The following KDM4B variants were observed in gnomAD, a reference collection of about 807,000 sequenced individuals.
KDM4B encodes the protein lysine demethylase 4B.
In KDM4B, 32 loss-of-function variants were observed where a neutral mutation model predicts 125.2. The observed-to-expected ratio is 0.26, with a 90% confidence interval of 0.19 to 0.34. The LOEUF is 0.34. Ranked by LOEUF, KDM4B falls within the 10% of genes least tolerant of loss-of-function variation. KDM4B has a pLI of 1.00. For missense variants in KDM4B, 1,190 were observed against 1,577.7 expected (o/e 0.75, Z 4.16); for synonymous variants, 721 against 677.9 (o/e 1.06, Z -0.99).
chr19:5,047,760 G>A lies in KDM4B; in HGVS notation c.626+91G>A, dbSNP rs931707394. The A allele has an allele frequency of 1.5e-5, 21 of 1,362,720 alleles. No individual in the cohort carries two copies. The Middle Eastern group carries it at 7.2e-4, about 47-fold the overall frequency. 84.4% of individuals were successfully genotyped at this position (1,362,720 alleles called of 1,614,324 possible). A position where few individuals can be genotyped will look rare whatever the true frequency, so the allele number is the denominator to read the frequency against. On this transcript the variant is annotated intron_variant, in intron 6 of 22. Transcript: ENST00000159111. ...GGTACACGGCTGGGCGCCGTGGCAG[G>A]GGCCCCACCAGGTGAGGCCGCAAAG...
At chr19:5,083,450 G>T (rs1201353368) in intron 9 of KDM4B, among the ~76,000 whole-genome samples, 2 of 152,344 alleles carry the variant, frequency 1.3e-5, no homozygotes, top group Middle Eastern at 3.4e-3. Context: ...CTAGGAGGCC[G>T]TCTGGGCATC....
chr19:5,002,398 T>TTCCTTTCTCTCTCCTTTCTCTC, intron 1 of KDM4B, among the ~76,000 whole-genome samples: 1 of 151,298 alleles, frequency 6.6e-6, no homozygotes, highest in South Asian at 2.1e-4. Flanking sequence ...CTCCTTTCCT[T>TTCCTTTCTCTCTCCTTTCTCTC]TCCTTTCTCT....
chr19:4,990,183 G>GGGA (rs2034987832), intron 1 of KDM4B, among the ~76,000 whole-genome samples: 1 of 152,276 alleles, frequency 6.6e-6, no homozygotes, highest in African/African-American at 2.4e-5. Flanking sequence ...CCAGCTACTT[G>GGGA]GGAGGCTGAG....
At chr19:5,120,323 AAAT>A (rs566175691) in intron 11 of KDM4B, among the ~76,000 whole-genome samples, 1 of 152,192 alleles carries the variant, frequency 6.6e-6, no homozygotes, top group Non-Finnish European at 1.5e-5. Flanking sequence ...AGTATCACAA[AAAT>A]AATAATAATA....
rs200364933 is a variant in KDM4B, at chr19:5,049,568, A to AC, written c.626+1905dup. On this transcript the variant is annotated intron_variant, in intron 6 of 22. Coordinates refer to ENST00000159111, the MANE Select transcript of KDM4B (RefSeq NM_015015.3). Reference sequence around the variant, plus strand: ...GCTCTAGCTGCAGGGCATGCCCTCAACCCCCCAGAGCTCCCCACTCGCCCC... The same window carrying AC: ...GCTCTAGCTGCAGGGCATGCCCTCAACCCCCCCAGAGCTCCCCACTCGCCCC... Among the ~76,000 whole-genome samples, 1,076 of 150,974 alleles carry AC rather than the reference A, an allele frequency of 7.1e-3. 10 individuals are homozygous for AC. Among genetic ancestry groups the AC allele is most frequent in the African/African-American group, 0.025 (1,027 of 41,030 alleles).
intron 9 of KDM4B, among the ~76,000 whole-genome samples, chr19:5,096,263 T>C (rs1169427059): frequency 6.6e-6 from 1 of 152,008 alleles, no homozygotes; most frequent in Non-Finnish European, 1.5e-5. Flanking sequence ...TTTTGTATTT[T>C]TAGTAGAGGT....
At position 4,971,038 on chromosome 19, in the gene KDM4B, G is replaced by T. The variant is rs1222066112; in HGVS notation, c.-109+1808G>T. Among the ~76,000 whole-genome samples the T allele has an allele frequency of 6.6e-6, 1 of 152,170 alleles. No homozygotes were observed. Among genetic ancestry groups the T allele is most frequent in the Non-Finnish European group, 1.5e-5 (1 of 68,028 alleles). Reference sequence around the variant, plus strand: ...GGGTGTCTGTGTACAGGCTGTTTTGGTGGAAGCGTCTACTGTGTCAGGAGC... The same window carrying T: ...GGGTGTCTGTGTACAGGCTGTTTTGTTGGAAGCGTCTACTGTGTCAGGAGC... On this transcript the variant is annotated intron_variant, in intron 1 of 22. Transcript: ENST00000159111. The surrounding 1 kb of genome is among the most constrained non-coding windows in gnomAD (Gnocchi z 4.1).
At chr19:5,040,470 C>A (rs1317146135) in intron 4 of KDM4B, among the ~76,000 whole-genome samples, 1 of 152,116 alleles carries the variant, frequency 6.6e-6, no homozygotes, top group Non-Finnish European at 1.5e-5. Context: ...GTACACATGG[C>A]ACACGCACGT....
At chr19:5,136,593 G>A (rs1396036659) in intron 15 of KDM4B, among the ~76,000 whole-genome samples, 1 of 152,116 alleles carries the variant, frequency 6.6e-6, no homozygotes, top group Non-Finnish European at 1.5e-5. Flanking sequence ...TCCCAGGCCT[G>A]CCACAGCCGG....
intron 6 of KDM4B, among the ~76,000 whole-genome samples, chr19:5,050,065 C>A (rs759366122): frequency 6.6e-6 from 1 of 152,198 alleles, no homozygotes; most frequent in Non-Finnish European, 1.5e-5. Context: ...ACCAAGGCTG[C>A]GCCCCGTCTG....
In KDM4B at chr19:5,114,628, A is replaced by G. The variant is rs1200611185; in HGVS notation, c.1115+3810A>G. On this transcript the variant is annotated intron_variant, in intron 10 of 22. Transcript: ENST00000159111. This position sits in a 1 kb window ranked among gnomAD's most constrained non-coding sequence, Gnocchi z 5.8. ...TTTCTCAAAGGTGAAATTCCTCAGC[A>G]CAGGGTCTAGTCTTGGGGGTGGGGA... Among the ~76,000 whole-genome samples the G allele has an allele frequency of 9.9e-5, 15 of 151,036 alleles. 1 individual carries two copies. The South Asian group carries it at 3.1e-3, about 32-fold the overall frequency.
Position 5,114,786 on chromosome 19 carries a change from C to T in KDM4B, c.1115+3968C>T, listed in dbSNP as rs2039223053. 6.6e-6 allele frequency among the ~76,000 whole-genome samples: 1 copy of T among 152,232 alleles called. No individual in the cohort carries two copies. Among genetic ancestry groups the T allele is most frequent in the Non-Finnish European group, 1.5e-5 (1 of 68,042 alleles). On this transcript the variant is annotated intron_variant, in intron 10 of 22. Coordinates refer to ENST00000159111, the MANE Select transcript of KDM4B (RefSeq NM_015015.3). This position sits in a 1 kb window ranked among gnomAD's most constrained non-coding sequence, Gnocchi z 5.8. The stretch of plus-strand genomic sequence containing the variant: ...AATGCTGATGGTCCCACTCTGGGTG[C>T]TGCAGGTGCCCTGTGTTACTGGGTG...
At chr19:5,091,454 G>A (rs190870872) in intron 9 of KDM4B, among the ~76,000 whole-genome samples, 5 of 152,168 alleles carry the variant, frequency 3.3e-5, no homozygotes, top group Non-Finnish European at 7.4e-5. Context: ...GGAAGGGGAC[G>A]ATGACTTGGA....
chr19:5,029,414 C>T (rs145093668), intron 2 of KDM4B, among the ~76,000 whole-genome samples: 1 of 152,356 alleles, frequency 6.6e-6, no homozygotes, highest in Non-Finnish European at 1.5e-5. Context: ...GACTGCATTT[C>T]AGTAAATTCC....
chr19:5,128,867 G>GT (rs2039495023), intron 11 of KDM4B, among the ~76,000 whole-genome samples: 2 of 148,986 alleles, frequency 1.3e-5, no homozygotes, highest in African/African-American at 4.9e-5. Context: ...GGGCGGGGGG[G>GT]GGGGTCATAT....
intron 11 of KDM4B, among the ~76,000 whole-genome samples, chr19:5,120,326 T>A (rs1233834111): frequency 6.6e-6 from 1 of 150,792 alleles, no homozygotes; most frequent in Admixed American, 6.6e-5. Flanking sequence ...ATCACAAAAA[T>A]AATAATAATA....
intron 8 of KDM4B, among the ~76,000 whole-genome samples, chr19:5,079,504 G>A (rs2038222328): frequency 6.6e-6 from 1 of 152,144 alleles, no homozygotes; most frequent in South Asian, 2.1e-4. Flanking sequence ...TGAGAGCTTG[G>A]CTCTCTGCTG....
At chr19:5,053,067 T>C (rs1374156332) in intron 6 of KDM4B, among the ~76,000 whole-genome samples, 1 of 152,254 alleles carries the variant, frequency 6.6e-6, no homozygotes, top group African/African-American at 2.4e-5. Flanking sequence ...TAGCCTGAGC[T>C]GAGCACTGGG....
intron 2 of KDM4B, among the ~76,000 whole-genome samples, chr19:5,019,171 CTGGTGTGGGTGT>C (rs1204760837): frequency 7.8e-4 from 57 of 73,454 alleles, no homozygotes; most frequent in East Asian, 1.6e-3. Flanking sequence ...TGTGCAGGTG[CTGGTGTGGGTGT>C]TGGTGTGGGT....
Sources: gnomAD v4.1 joint callset for allele counts (sites outside exome capture counted in the v4.1 genomes callset) on GRCh38, gnomAD v4.1.1 for gene constraint, Gnocchi (gnomAD v3.1) non-coding constraint, MANE v1.5 for transcripts, NCBI Gene and HGNC (gene_info 2026-07-23, HGNC 2026-07-21) for gene names.